The following TMEM176B variants were observed in gnomAD, a reference collection of about 807,000 sequenced individuals.
TMEM176B encodes the protein transmembrane protein 176B, also known as LR8-like protein.
TMEM176B carries 28 observed loss-of-function variants against 30.3 expected under a neutral mutation model. The observed-to-expected ratio is 0.92, with a 90% CI of 0.68 to 1.27. The LOEUF (loss-of-function observed/expected upper bound fraction) is 1.27, where lower values mean the gene tolerates loss of function less well. TMEM176B is among the 50% of genes most tolerant of loss of function. TMEM176B has a pLI of 0.00. For missense variants in TMEM176B, 349 were observed against 327.4 expected (o/e 1.07, Z -0.51); for synonymous variants, 123 against 130.3 (o/e 0.94, Z 0.38).
Position 150,791,549 on chromosome 7 carries a change from G to A in TMEM176B, c.795C>T (p.Ser265=), listed in dbSNP as rs1482516345. 2.5e-6 allele frequency: 4 copies of A among 1,613,866 alleles called. No individual in the cohort carries two copies. The highest frequency in any genetic ancestry group is 2.7e-5 in the African/African-American group (2 of 75,016). Residue 265 remains serine, a synonymous_variant, in exon 7 of 7, where the codon TCC becomes TCT. Transcript: ENST00000326442. The part of the protein sequence containing the change: ...VPPSPSREQT[S]TAIVL ...TGGCAGCTCACAGGACAATGGCAGT[G>A]GAGGTCTGCTCCCTAGAGGGCGAAG...
intron 1 of TMEM176B, among the ~76,000 whole-genome samples, chr7:150,798,642 A>G (rs1245372326): frequency 1.3e-5 from 2 of 151,550 alleles, no homozygotes; most frequent in African/African-American, 4.9e-5. Context: ...AAACTCCTGG[A>G]CTCAAGCAAT....
chr7:150,796,565 G>A lies in TMEM176B; in HGVS notation c.5C>T (p.Thr2Met), dbSNP rs779385517. Residue 2 changes from threonine to methionine, a missense_variant, in exon 2 of 7, where the codon ACG becomes ATG. Transcript: ENST00000326442. ...TCCATTCACAATCACCGTGTTTTGC[G>A]TCATCCTGCCTGCCAGGGAGAAGAC... The part of the protein sequence containing the change: M[T>M]QNTVIVNGVA... 6.2e-6 allele frequency: 10 copies of A among 1,613,802 alleles called. No homozygotes were observed. The East Asian group carries it at 6.7e-5, about 11-fold the overall frequency.
intron 1 of TMEM176B, chr7:150,799,911 TC>T (rs920123536): frequency 6.6e-6 from 1 of 152,378 alleles, no homozygotes; most frequent in African/African-American, 2.4e-5. Flanking sequence ...GGTGGGCTCT[TC>T]CCGGCTGCCC....
At position 150,793,222 on chromosome 7, in the gene TMEM176B, G is replaced by T; in HGVS notation, c.466C>A (p.Pro156Thr). The T allele has an allele frequency of 6.2e-7, 1 of 1,614,206 alleles. No individual in the cohort carries two copies. The highest frequency in any genetic ancestry group is 8.5e-7 in the Non-Finnish European group (1 of 1,180,042). The change falls in exon 5 of 7, where the codon CCC becomes ACC. Residue 156 changes from proline (P) to threonine (T), a missense_variant. Coordinates refer to ENST00000326442, the MANE Select transcript of TMEM176B (RefSeq NM_001101312.2). ...CVNSFIWQTE[P>T]FLYIDTVCDR... is the part of the protein sequence containing the mutation. ...CACACAGTGTCGATGTATAAAAAGG[G>T]TTCAGTTTGCCAGATGAAGCTATTC...
At chr7:150,801,148 G>T, upstream of TMEM176B, 1 of 248,586 alleles carries the variant, frequency 4.0e-6, no homozygotes, top group Non-Finnish European at 6.5e-6. Context: ...TCCACAGGCA[G>T]CCAAGGACTC....
intron 1 of TMEM176B, among the ~76,000 whole-genome samples, chr7:150,798,654 C>T (rs533965329): frequency 6.6e-6 from 1 of 152,250 alleles, no homozygotes; most frequent in Non-Finnish European, 1.5e-5. Context: ...TCAAGCAATC[C>T]TCCCACCTCA....
At chr7:150,794,907 C>CCACACA (rs3220239) in intron 2 of TMEM176B, among the ~76,000 whole-genome samples, 2,355 of 141,636 alleles carry the variant, frequency 0.017, 27 homozygotes, top group Non-Finnish European at 0.023. Context: ...TCCCCTACTA[C>CCACACA]CACACACACA....
intron 2 of TMEM176B, 66 bp downstream of exon 2, chr7:150,796,300 C>G (rs1798518816): frequency 9.5e-6 from 14 of 1,477,084 alleles, no homozygotes; most frequent in Non-Finnish European, 1.1e-5. Flanking sequence ...AGATTTGGCT[C>G]TATATTTTAA....
At position 150,791,443 on chromosome 7, in the gene TMEM176B, AG is replaced by A; in HGVS notation, c.*87del. 9.4e-7 allele frequency: 1 copy of A among 1,066,776 alleles called. No individual in the cohort carries two copies. The highest frequency in any genetic ancestry group is 1.4e-6 in the Non-Finnish European group (1 of 713,330). The allele number at this position is 1,066,776 out of a possible 1,614,324, so 66.1% of individuals were successfully genotyped here. A position where few individuals can be genotyped will look rare whatever the true frequency, so the allele number is the denominator to read the frequency against. ...GGAGGAGGGTCTGGAGAGCGGCCAT[AG>A]GGGAGGCAAGTGTGAGGAGCCAGGA... On this transcript the variant is annotated 3_prime_UTR_variant, in exon 7 of 7. Transcript: ENST00000326442.
At chr7:150,792,625 C>T (rs1042295760) in intron 5 of TMEM176B, among the ~76,000 whole-genome samples, 5 of 152,192 alleles carry the variant, frequency 3.3e-5, no homozygotes, top group Non-Finnish European at 7.4e-5. Context: ...CATGCAACTA[C>T]ATCATCTCAG....
At chr7:150,794,859 C>T (rs1049537397) in intron 2 of TMEM176B, among the ~76,000 whole-genome samples, 3 of 151,856 alleles carry the variant, frequency 2.0e-5, no homozygotes, top group Admixed American at 6.6e-5. Flanking sequence ...GTCACCACCT[C>T]CACATCCTAC....
chr7:150,796,953 C>A (rs1312011039), intron 1 of TMEM176B, among the ~76,000 whole-genome samples: 1 of 151,036 alleles, frequency 6.6e-6, no homozygotes, highest in Non-Finnish European at 1.5e-5. Flanking sequence ...GACTCCATCT[C>A]AAAAAAAACA....
chr7:150,793,910 T>C, intron 3 of TMEM176B, 51 bp downstream of exon 3: 8 of 1,458,788 alleles, frequency 5.5e-6, no homozygotes, highest in Non-Finnish European at 7.5e-6. Flanking sequence ...AGCGCCTTCT[T>C]GCCCATCACC....
In TMEM176B at chr7:150,791,377, C is replaced by G. The variant is rs114041488; in HGVS notation, c.*154G>C. On this transcript the variant is annotated 3_prime_UTR_variant, in exon 7 of 7. Coordinates refer to ENST00000326442, the MANE Select transcript of TMEM176B (RefSeq NM_001101312.2). ...AATATCTGTTCATGGACTTGAGAAC[C>G]CCAGAGTGGGAACAGCAGGTGCGGA... 8.9e-4 allele frequency: 520 copies of G among 583,838 alleles called. 3 individuals carry two copies. Among genetic ancestry groups the G allele is most frequent in the African/African-American group, 8.5e-3 (456 of 53,778 alleles). The allele number at this position is 583,838 out of a possible 1,614,324, so 36.2% of individuals were successfully genotyped here.
rs749999002 is a variant in TMEM176B, at chr7:150,793,648, G to T, written c.316-48C>A. The T allele has an allele frequency of 4.4e-6, 7 of 1,594,054 alleles. No homozygotes were observed. The South Asian group carries it at 6.7e-5, about 15-fold the overall frequency. On this transcript the variant is annotated intron_variant, in intron 3 of 6. Coordinates refer to ENST00000326442, the MANE Select transcript of TMEM176B (RefSeq NM_001101312.2). ...GGCCTCCAGTTTACTCTTCTGAATTGGTCTATCATCACCCTCCCACCAGCA... is the reference window on the plus strand; with the variant it reads ...GGCCTCCAGTTTACTCTTCTGAATTTGTCTATCATCACCCTCCCACCAGCA...
At chr7:150,796,705 TC>T in intron 1 of TMEM176B, 131 bp from the exon 2 acceptor site, 1 of 901,294 alleles carries the variant, frequency 1.1e-6, no homozygotes, top group Non-Finnish European at 1.7e-6. Context: ...ACGCCTGTAA[TC>T]CCAGTGCTTT....
In TMEM176B at chr7:150,793,250, G is replaced by A. The variant is rs576835044; in HGVS notation, c.438C>T (p.Cys146=). The change falls in exon 5 of 7, where the codon TGC becomes TGT. Residue 146 remains cysteine (C), a synonymous_variant. Coordinates refer to ENST00000326442, the MANE Select transcript of TMEM176B (RefSeq NM_001101312.2). ...FATAMAAVVL[C]VNSFIWQTEP... The stretch of plus-strand genomic sequence containing the variant: ...CAGTTTGCCAGATGAAGCTATTCAC[G>A]CAGAGGACAACAGCAGCCATAGCTG... The A allele has an allele frequency of 1.9e-5, 31 of 1,614,204 alleles. No individual in the cohort carries two copies. Among genetic ancestry groups the A allele is most frequent in the South Asian group, 1.4e-4 (13 of 91,082 alleles).
intron 2 of TMEM176B, among the ~76,000 whole-genome samples, chr7:150,794,727 G>A (rs935568576): frequency 1.1e-4 from 16 of 151,906 alleles, no homozygotes; most frequent in Non-Finnish European, 4.4e-5. Context: ...CAGCCTGATG[G>A]TTCCTCCTGC....
intron 5 of TMEM176B, among the ~76,000 whole-genome samples, chr7:150,792,455 G>T (rs183462831): frequency 2.6e-5 from 4 of 152,326 alleles, no homozygotes; most frequent in African/African-American, 9.6e-5. Context: ...CAGTGACAGG[G>T]AAGCCCTTAG....
Sources: gnomAD v4.1 joint callset for allele counts (sites outside exome capture counted in the v4.1 genomes callset) on GRCh38, gnomAD v4.1.1 for gene constraint, MANE v1.5 for transcripts, NCBI Gene and HGNC (gene_info 2026-07-23, HGNC 2026-07-21) for gene names.